KCNQ5: variants seen among roughly 807,000 people sequenced by gnomAD.
KCNQ5 encodes potassium voltage-gated channel subfamily Q member 5.
In KCNQ5, 30 loss-of-function variants were observed where a neutral mutation model predicts 98.2. That is an observed-to-expected ratio of 0.31 (90% CI 0.23 to 0.41). KCNQ5 has a LOEUF of 0.41. Ranked by LOEUF, KCNQ5 falls within the 10% of genes least tolerant of loss-of-function variation. The pLI is 1.00. For missense variants in KCNQ5, 835 were observed against 1,182.5 expected (o/e 0.71, Z 4.31); for synonymous variants, 458 against 449.4 (o/e 1.02, Z -0.24).
chr6:72,793,914 A>T (rs999413381), intron 1 of KCNQ5, among the ~76,000 whole-genome samples: 6 of 152,234 alleles, frequency 3.9e-5, no homozygotes, highest in African/African-American at 1.4e-4. Flanking sequence ...CCACACTGGG[A>T]GCTGACTGCT....
intron 3 of KCNQ5, among the ~76,000 whole-genome samples, chr6:73,042,577 A>G (rs1771762004): frequency 1.3e-5 from 2 of 152,208 alleles, no homozygotes; most frequent in African/African-American, 2.4e-5. Flanking sequence ...AAGAATGATT[A>G]TAAGTATGGT....
At chr6:73,146,053 A>G (rs1040627169) in intron 10 of KCNQ5, among the ~76,000 whole-genome samples, 2 of 152,102 alleles carry the variant, frequency 1.3e-5, no homozygotes, top group Non-Finnish European at 2.9e-5. Context: ...ACAACTCAAC[A>G]TGAGATTTGG....
At chr6:72,624,431 G>T (rs1211793152) in intron 1 of KCNQ5, among the ~76,000 whole-genome samples, 1 of 150,534 alleles carries the variant, frequency 6.6e-6, no homozygotes, top group African/African-American at 2.5e-5. Context: ...TATTCAGAGA[G>T]AGTTAAAGAA....
chr6:72,927,496 C>A (rs1765480774), intron 1 of KCNQ5, among the ~76,000 whole-genome samples: 1 of 152,048 alleles, frequency 6.6e-6, no homozygotes, highest in African/African-American at 2.4e-5. Flanking sequence ...TTAGCCTAAT[C>A]TAGGTGACAA....
intron 1 of KCNQ5, among the ~76,000 whole-genome samples, chr6:72,946,835 T>A (rs1313570730): frequency 6.6e-6 from 1 of 152,188 alleles, no homozygotes; most frequent in East Asian, 1.9e-4. Context: ...TTACAACATA[T>A]GGGAGAGGAA....
intron 2 of KCNQ5, among the ~76,000 whole-genome samples, chr6:73,011,099 A>AT (rs954622396): frequency 6.6e-6 from 1 of 152,080 alleles, no homozygotes; most frequent in African/African-American, 2.4e-5. Context: ...AGGACTTATA[A>AT]TTTTTTATTT....
chr6:73,041,971 C>T lies in KCNQ5; in HGVS notation c.525C>T (p.Phe175=), dbSNP rs1771727923. 6.2e-7 allele frequency: 1 copy of T among 1,613,764 alleles called. No individual in the cohort carries two copies. Among genetic ancestry groups the T allele is most frequent in the South Asian group, 1.1e-5 (1 of 91,078 alleles). ...FVMIVVFGLE[F]IIRIWSAGCC... is the part of the protein sequence containing the mutation. ...TGATTGTCGTCTTTGGTTTGGAGTT[C>T]ATCATTCGAATCTGGTCTGCGGGTT... The change falls in exon 3 of 14, where the codon TTC becomes TTT. Residue 175 remains phenylalanine, a synonymous_variant. Transcript: ENST00000370398.
intron 7 of KCNQ5, 112 bp downstream of exon 7, chr6:73,111,515 T>C: frequency 2.6e-6 from 2 of 773,744 alleles, no homozygotes; most frequent in Non-Finnish European, 4.3e-6. Flanking sequence ...TTGTTCCTTT[T>C]TATAAAATGA....
intron 1 of KCNQ5, among the ~76,000 whole-genome samples, chr6:72,883,968 A>G (rs1778754167): frequency 6.6e-6 from 1 of 152,212 alleles, no homozygotes; most frequent in African/African-American, 2.4e-5. Flanking sequence ...TATATGACAT[A>G]GTGATCATTA....
In KCNQ5 at chr6:72,622,105, C is replaced by G; in HGVS notation, c.-85C>G. 1 of 1,157,866 alleles carries G rather than the reference C, an allele frequency of 8.6e-7. No homozygotes were observed. The highest frequency in any genetic ancestry group is 1.1e-6 in the Non-Finnish European group (1 of 927,960). 71.7% of individuals were successfully genotyped at this position (1,157,866 alleles called of 1,614,324 possible). ...CGGGCGCCCCGTCGGCCGCCGGCTT[C>G]CTCCTTGAAACCCGCCGGCGCACAT... On this transcript the variant is annotated 5_prime_UTR_variant, in exon 1 of 14. Transcript: ENST00000370398. The surrounding 1 kb of genome is among the most constrained non-coding windows in gnomAD (Gnocchi z 6.0).
intron 1 of KCNQ5, among the ~76,000 whole-genome samples, chr6:72,876,708 T>C (rs1252543804): frequency 6.6e-6 from 1 of 152,224 alleles, no homozygotes. Flanking sequence ...ATTTGTTTCA[T>C]GTCTTTTTCC....
At chr6:72,950,051 C>T (rs1048378442) in intron 1 of KCNQ5, among the ~76,000 whole-genome samples, 7 of 152,108 alleles carry the variant, frequency 4.6e-5, no homozygotes, top group African/African-American at 1.7e-4. Flanking sequence ...TTTGTTCCTT[C>T]AGGAGCAGAA....
chr6:72,747,681 C>T (rs9446744), intron 1 of KCNQ5, among the ~76,000 whole-genome samples: 5,242 of 152,208 alleles, frequency 0.034, 289 homozygotes, highest in African/African-American at 0.12. Flanking sequence ...TTCCTGTCCT[C>T]AATGATATTC....
chr6:73,065,621 A>G lies in KCNQ5; in HGVS notation c.617-11701A>G, dbSNP rs544854130. Reference sequence around the variant, plus strand: ...CCGCTATCATATAATACTTAGAAGGACATCTAAAGCTATTCCCAAAGCTGT... The same window carrying G: ...CCGCTATCATATAATACTTAGAAGGGCATCTAAAGCTATTCCCAAAGCTGT... On this transcript the variant is annotated intron_variant, in intron 3 of 13. Transcript: ENST00000370398. Among the ~76,000 whole-genome samples the G allele has an allele frequency of 5.3e-5, 8 of 152,332 alleles. No individual in the cohort carries two copies. The East Asian group carries it at 1.5e-3, about 29-fold the overall frequency.
intron 1 of KCNQ5, among the ~76,000 whole-genome samples, chr6:72,998,098 GAAGA>G (rs1299801091): frequency 6.6e-6 from 1 of 152,174 alleles, no homozygotes; most frequent in Non-Finnish European, 1.5e-5. Context: ...TAGGATGCTG[GAAGA>G]AAGAAATGAC....
At chr6:72,964,008 C>T (rs543438798) in intron 1 of KCNQ5, among the ~76,000 whole-genome samples, 1 of 152,244 alleles carries the variant, frequency 6.6e-6, no homozygotes, top group Non-Finnish European at 1.5e-5. Flanking sequence ...TGAAGTCAGT[C>T]ATGATGAGTT....
intron 1 of KCNQ5, among the ~76,000 whole-genome samples, chr6:72,973,315 T>C (rs1184517487): frequency 1.5e-4 from 22 of 147,376 alleles, no homozygotes; most frequent in Non-Finnish European, 3.3e-4. Context: ...GAACATAAAC[T>C]TCTCTAAAAA....
chr6:72,736,191 T>G (rs988199998), intron 1 of KCNQ5, among the ~76,000 whole-genome samples: 13 of 152,198 alleles, frequency 8.5e-5, no homozygotes, highest in Admixed American at 7.2e-4. Context: ...CTCTAAAATA[T>G]CTCATCCCTT....
At chr6:72,862,753 G>A (rs891045796) in intron 1 of KCNQ5, among the ~76,000 whole-genome samples, 4 of 151,784 alleles carry the variant, frequency 2.6e-5, no homozygotes, top group Admixed American at 6.6e-5. Flanking sequence ...TCACCCTCCC[G>A]AATAACTGGG....
Sources: allele counts gnomAD v4.1 joint callset (sites outside exome capture counted in the v4.1 genomes callset), GRCh38; gene constraint gnomAD v4.1.1; non-coding constraint Gnocchi (gnomAD v3.1); transcripts MANE v1.5; gene names NCBI Gene and HGNC (gene_info 2026-07-23, HGNC 2026-07-21).